The following ORMDL1 variants were observed in gnomAD, a reference collection of about 807,000 sequenced individuals.
ORMDL1 encodes the protein ORMDL sphingolipid biosynthesis regulator 1.
Under a neutral mutation model 13.0 loss-of-function variants are expected in ORMDL1, and 10 were observed. That is an observed-to-expected ratio of 0.77 (90% CI 0.47 to 1.30). The LOEUF (loss-of-function observed/expected upper bound fraction) is 1.30. ORMDL1 is among the 50% of genes most tolerant of loss of function. The pLI is 0.00. For synonymous variants in ORMDL1, 61 were observed against 63.9 expected, an observed-to-expected ratio of 0.95 and a Z score of 0.22; for missense variants, 171 against 186.7, an observed-to-expected ratio of 0.92 and a Z score of 0.49.
downstream of ORMDL1, among the ~76,000 whole-genome samples, chr2:189,767,771 G>T (rs1220059689): frequency 2.0e-5 from 3 of 152,120 alleles, no homozygotes; most frequent in Non-Finnish European, 4.4e-5. Context: ...TTTATCAAGG[G>T]CTTGAATAAT....
downstream of ORMDL1, chr2:189,765,447 A>G (rs1163323066): frequency 6.6e-6 from 1 of 152,164 alleles, no homozygotes; most frequent in African/African-American, 2.4e-5. Flanking sequence ...TCAATATCTG[A>G]TTCTTTTATA....
At chr2:189,776,347 A>G (rs548519666) in intron 3 of ORMDL1, among the ~76,000 whole-genome samples, 2 of 152,300 alleles carry the variant, frequency 1.3e-5, no homozygotes, top group African/African-American at 4.8e-5. Flanking sequence ...CTCAAAGCAA[A>G]TAACATTACT....
At chr2:189,768,240 G>T (rs764760985), downstream of ORMDL1, among the ~76,000 whole-genome samples, 1 of 152,126 alleles carries the variant, frequency 6.6e-6, no homozygotes, top group Admixed American at 6.5e-5. Context: ...TACCTAGATA[G>T]GTCTTTTCAG....
At chr2:189,774,384 A>G (rs2047648212) in intron 4 of ORMDL1, among the ~76,000 whole-genome samples, 1 of 152,232 alleles carries the variant, frequency 6.6e-6, no homozygotes, top group African/African-American at 2.4e-5. Context: ...AAAGGGCTAT[A>G]AATTAAGGAA....
chr2:189,773,080 A>C (rs1049991441), intron 4 of ORMDL1, among the ~76,000 whole-genome samples: 1 of 152,214 alleles, frequency 6.6e-6, no homozygotes, highest in Non-Finnish European at 1.5e-5. Flanking sequence ...AACTCATTTC[A>C]TTTCCCACCA....
chr2:189,774,406 T>C (rs562264516), intron 4 of ORMDL1, among the ~76,000 whole-genome samples: 72 of 152,356 alleles, frequency 4.7e-4, no homozygotes, highest in African/African-American at 1.6e-3. Flanking sequence ...AAGAACCCCA[T>C]TATTTTATGA....
rs1344520389 is a variant in ORMDL1 at position 189,782,537 on chromosome 2, C to T, written c.59G>A (p.Arg20Gln). 1 of 1,614,196 alleles carries T rather than the reference C, an allele frequency of 6.2e-7. No individual in the cohort carries two copies. Among genetic ancestry groups the T allele is most frequent in the Non-Finnish European group, 8.5e-7 (1 of 1,180,026 alleles). Reference sequence around the variant, plus strand: ...CAATGCATATGTCAGCCACATACCCCGGCTGTTCATGACACGGGTATTTGG... The same window carrying T: ...CAATGCATATGTCAGCCACATACCCTGGCTGTTCATGACACGGGTATTTGG... ...VNPNTRVMNS[R>Q]GMWLTYALGV... Residue 20 changes from arginine (R) to glutamine (Q), a missense_variant, in exon 3 of 5, where the codon CGG becomes CAG. By Grantham distance (43) the Arg-to-Gln change is conservative. Coordinates refer to ENST00000392349, the MANE Select transcript of ORMDL1 (RefSeq NM_016467.5).
intron 4 of ORMDL1, among the ~76,000 whole-genome samples, chr2:189,773,280 G>C (rs1044090887): frequency 1.3e-5 from 2 of 152,134 alleles, no homozygotes; most frequent in African/African-American, 4.8e-5. Context: ...GCAAAACCCA[G>C]GTGGGACTCA....
chr2:189,779,960 A>G (rs1370173486), intron 3 of ORMDL1, among the ~76,000 whole-genome samples: 1 of 152,204 alleles, frequency 6.6e-6, no homozygotes, highest in Non-Finnish European at 1.5e-5. Context: ...TTTACTCTCT[A>G]AACAGCCTGT....
At chr2:189,780,682 A>C (rs1237964880) in intron 3 of ORMDL1, among the ~76,000 whole-genome samples, 3 of 152,226 alleles carry the variant, frequency 2.0e-5, no homozygotes, top group Non-Finnish European at 2.9e-5. Context: ...AGAAGGTCAG[A>C]AATATATGCC....
chr2:189,766,345 A>C (rs2047482670), downstream of ORMDL1, among the ~76,000 whole-genome samples: 1 of 152,234 alleles, frequency 6.6e-6, no homozygotes, highest in South Asian at 2.1e-4. Context: ...CAAAGGAACT[A>C]AGTACATTCA....
Position 189,771,636 on chromosome 2 carries a change from G to C in ORMDL1, c.*131C>G, listed in dbSNP as rs1574961450. On this transcript the variant is annotated 3_prime_UTR_variant, in exon 5 of 5. Coordinates refer to ENST00000392349, the MANE Select transcript of ORMDL1 (RefSeq NM_016467.5). ...CTGCACTTCAAAACAGCACTTGAAG[G>C]ACCAGCCATTGGCCCTCCAATGTAA... 1 of 745,080 alleles carries C rather than the reference G, an allele frequency of 1.3e-6. No individual in the cohort carries two copies. The highest frequency in any genetic ancestry group is 2.0e-6 in the Non-Finnish European group (1 of 490,200). 46.2% of individuals were successfully genotyped at this position (745,080 alleles called of 1,614,324 possible).
At chr2:189,777,319 C>T (rs752284006) in intron 3 of ORMDL1, among the ~76,000 whole-genome samples, 5 of 152,080 alleles carry the variant, frequency 3.3e-5, no homozygotes, top group Admixed American at 6.5e-5. Flanking sequence ...GTAAGCTCTA[C>T]GAAACCATTT....
chr2:189,772,315 G>A (rs942507552), intron 4 of ORMDL1, among the ~76,000 whole-genome samples: 2 of 152,134 alleles, frequency 1.3e-5, no homozygotes, highest in Non-Finnish European at 2.9e-5. Flanking sequence ...AACCTGTACT[G>A]TAAAGCTCCA....
At chr2:189,782,370 C>T in intron 3 of ORMDL1, 52 bp downstream of exon 3, 4 of 1,488,678 alleles carry the variant, frequency 2.7e-6, no homozygotes, top group Non-Finnish European at 3.7e-6. Flanking sequence ...TAATTTCCGG[C>T]AACCACTAAA....
At chr2:189,779,518 A>G (rs916069455) in intron 3 of ORMDL1, among the ~76,000 whole-genome samples, 1 of 152,238 alleles carries the variant, frequency 6.6e-6, no homozygotes, top group Admixed American at 6.5e-5. Context: ...TTGCTAGTGT[A>G]TAGCCTCTAT....
At chr2:189,779,088 A>G (rs1457187122) in intron 3 of ORMDL1, among the ~76,000 whole-genome samples, 1 of 151,858 alleles carries the variant, frequency 6.6e-6, no homozygotes, top group African/African-American at 2.4e-5. Context: ...TGAGGCAGGA[A>G]GATCACTTGA....
intron 3 of ORMDL1, among the ~76,000 whole-genome samples, chr2:189,776,919 G>C (rs1233974171): frequency 6.6e-6 from 1 of 152,072 alleles, no homozygotes; most frequent in East Asian, 1.9e-4. Flanking sequence ...TGCATAAACA[G>C]CTAGAAAGTA....
At chr2:189,783,983 C>G (rs1393890208) in intron 1 of ORMDL1, 1 of 152,448 alleles carries the variant, frequency 6.6e-6, no homozygotes, top group Non-Finnish European at 1.5e-5. Context: ...CCCGAGCGCT[C>G]TGGGCCAGAG....
Sources: allele counts gnomAD v4.1 joint callset (sites outside exome capture counted in the v4.1 genomes callset), GRCh38; gene constraint gnomAD v4.1.1; transcripts MANE v1.5; gene names NCBI Gene and HGNC (gene_info 2026-07-23, HGNC 2026-07-21).